Variants in CNTNAP5 observed in about 807,000 individuals in gnomAD.
CNTNAP5 encodes contactin associated protein family member 5.
A neutral mutation model predicts 150.2 loss-of-function variants in CNTNAP5; 72 were observed. The ratio of observed to expected loss-of-function variants is 0.48; its 90% CI spans 0.40 to 0.58. CNTNAP5 has a LOEUF of 0.58. Ranked by LOEUF, CNTNAP5 falls within the 20% of genes least tolerant of loss-of-function variation. The probability of loss-of-function intolerance (pLI) is 0.00; values close to 1 mark genes in which losing one functional copy is unlikely to be tolerated. For synonymous variants in CNTNAP5, 672 were observed against 619.8 expected, an observed-to-expected ratio of 1.08 and a Z score of -1.25; for missense variants, 1,636 against 1,626.2, an observed-to-expected ratio of 1.01 and a Z score of -0.10.
chr2:124,270,146 T>C (rs1249950774), intron 3 of CNTNAP5, among the ~76,000 whole-genome samples: 5 of 152,052 alleles, frequency 3.3e-5, no homozygotes, highest in Admixed American at 3.3e-4. Context: ...TGAAACCCCG[T>C]CTCTACTAAA....
At chr2:124,591,995 G>C (rs950799348) in intron 11 of CNTNAP5, among the ~76,000 whole-genome samples, 7 of 151,982 alleles carry the variant, frequency 4.6e-5, no homozygotes, top group Admixed American at 1.3e-4. Flanking sequence ...CATTGTCTGT[G>C]CTTTTCTCTC....
At chr2:124,532,931 G>A (rs1178610886) in intron 10 of CNTNAP5, among the ~76,000 whole-genome samples, 1 of 152,088 alleles carries the variant, frequency 6.6e-6, no homozygotes, top group Non-Finnish European at 1.5e-5. Flanking sequence ...TTTCCATGGG[G>A]AGAGAAGAGG....
intron 3 of CNTNAP5, among the ~76,000 whole-genome samples, chr2:124,401,689 T>C (rs1691429537): frequency 6.6e-6 from 1 of 152,232 alleles, no homozygotes; most frequent in Non-Finnish European, 1.5e-5. Flanking sequence ...CTTACGTTAT[T>C]GATGGAGGAG....
intron 3 of CNTNAP5, among the ~76,000 whole-genome samples, chr2:124,387,167 C>T (rs1191537950): frequency 1.3e-5 from 2 of 152,220 alleles, no homozygotes; most frequent in African/African-American, 2.4e-5. Flanking sequence ...GTAAGAACCC[C>T]TGCCTCCCAC....
intron 11 of CNTNAP5, among the ~76,000 whole-genome samples, chr2:124,571,447 A>G (rs1573467160): frequency 6.6e-6 from 1 of 151,764 alleles, no homozygotes; most frequent in East Asian, 1.9e-4. Flanking sequence ...AGGAGTCAGA[A>G]GAGGGATGTT....
intron 3 of CNTNAP5, among the ~76,000 whole-genome samples, chr2:124,413,310 G>A (rs1356605313): frequency 6.6e-6 from 1 of 151,436 alleles, no homozygotes; most frequent in Non-Finnish European, 1.5e-5. Context: ...AACCATTGTG[G>A]AAGTCATTGT....
chr2:124,688,371 A>G (rs1471046502), intron 13 of CNTNAP5, among the ~76,000 whole-genome samples: 1 of 152,000 alleles, frequency 6.6e-6, no homozygotes, highest in Non-Finnish European at 1.5e-5. Flanking sequence ...ATGAGATATT[A>G]TTTGCTGGGA....
chr2:124,587,869 G>T (rs1696573171), intron 11 of CNTNAP5, among the ~76,000 whole-genome samples: 1 of 152,074 alleles, frequency 6.6e-6, no homozygotes, highest in Non-Finnish European at 1.5e-5. Context: ...CTAAAAAAAA[G>T]TAAGATTACT....
Position 124,857,664 on chromosome 2 carries a change from A to G in CNTNAP5, c.3218-7642A>G, listed in dbSNP as rs191448966. On this transcript the variant is annotated intron_variant, in intron 19 of 23. Coordinates refer to ENST00000682447, the MANE Select transcript of CNTNAP5 (RefSeq NM_001367498.1). ...AACATGATGAAACCCTGTCTCCACT[A>G]AAAAAAAAAGAAAAAAAAATGAATA... Among the ~76,000 whole-genome samples, 360 of 142,646 alleles carry G rather than the reference A, an allele frequency of 2.5e-3. 1 individual carries two copies. Among genetic ancestry groups the G allele is most frequent in the East Asian group, 0.025 (125 of 5,004 alleles). The allele number at this position is 142,646 out of a possible 152,430, so 93.6% of individuals were successfully genotyped here. A position where few individuals can be genotyped will look rare whatever the true frequency, so the allele number is the denominator to read the frequency against.
At chr2:124,773,939 TGTGTGTGTGA>T (rs1327347456) in intron 17 of CNTNAP5, among the ~76,000 whole-genome samples, 14 of 147,198 alleles carry the variant, frequency 9.5e-5, no homozygotes, top group East Asian at 3.9e-4. Context: ...TGTGTGTGTG[TGTGTGTGTGA>T]GAGAGAGAGA....
chr2:124,069,107 C>T (rs1188248170), intron 1 of CNTNAP5, among the ~76,000 whole-genome samples: 1 of 152,060 alleles, frequency 6.6e-6, no homozygotes, highest in Non-Finnish European at 1.5e-5. Context: ...GAGGGGAGCC[C>T]ATTGCCATGA....
intron 10 of CNTNAP5, among the ~76,000 whole-genome samples, chr2:124,530,792 A>C (rs139177270): frequency 6.6e-6 from 1 of 152,064 alleles, no homozygotes; most frequent in African/African-American, 2.4e-5. Flanking sequence ...CACAGTGTGC[A>C]GCTGCTGCCC....
intron 1 of CNTNAP5, among the ~76,000 whole-genome samples, chr2:124,089,210 T>C (rs115955678): frequency 0.019 from 2,858 of 152,250 alleles, 99 homozygotes; most frequent in African/African-American, 0.065. Flanking sequence ...TCCATTGTAA[T>C]TACTAGGCGA....
chr2:124,747,614 CTTTTTTTTTTTTTTT>C (rs11351693), intron 14 of CNTNAP5, among the ~76,000 whole-genome samples: 15 of 53,234 alleles, frequency 2.8e-4, no homozygotes, highest in African/African-American at 1.1e-3. Context: ...GCTGCTTCTT[CTTTTTTTTTTTTTTT>C]TTTTTTTTTG....
At chr2:124,230,384 C>G (rs1686584522) in intron 2 of CNTNAP5, among the ~76,000 whole-genome samples, 1 of 152,070 alleles carries the variant, frequency 6.6e-6, no homozygotes, top group East Asian at 1.9e-4. Flanking sequence ...TCATAAACAA[C>G]ACTACAACGT....
At chr2:124,362,770 C>T in intron 3 of CNTNAP5, among the ~76,000 whole-genome samples, 1 of 152,180 alleles carries the variant, frequency 6.6e-6, no homozygotes, top group Non-Finnish European at 1.5e-5. Flanking sequence ...GTTCAGTTCC[C>T]TTAGCTCAAC....
chr2:124,050,536 C>T (rs567226701), intron 1 of CNTNAP5, among the ~76,000 whole-genome samples: 3 of 152,054 alleles, frequency 2.0e-5, no homozygotes, highest in Non-Finnish European at 2.9e-5. Flanking sequence ...AAAGGAAGGT[C>T]GGGATAAGGG....
intron 1 of CNTNAP5, 72 bp downstream of exon 1, chr2:124,025,804 T>C (rs1349155052): frequency 8.2e-7 from 1 of 1,215,390 alleles, no homozygotes; most frequent in Non-Finnish European, 1.2e-6. Context: ...ATCAACTATC[T>C]AAGCGTACTC....
chr2:124,059,585 A>G (rs1159864481), intron 1 of CNTNAP5, among the ~76,000 whole-genome samples: 1 of 151,224 alleles, frequency 6.6e-6, no homozygotes, highest in East Asian at 1.9e-4. Flanking sequence ...CACGGCACAT[A>G]TTAGGCACTC....
Sources: gnomAD v4.1 joint callset for allele counts (sites outside exome capture counted in the v4.1 genomes callset) on GRCh38, gnomAD v4.1.1 for gene constraint, MANE v1.5 for transcripts, NCBI Gene and HGNC (gene_info 2026-07-23, HGNC 2026-07-21) for gene names.